The following TRMT9B variants were observed in gnomAD, a reference collection of about 807,000 sequenced individuals.
The protein encoded by TRMT9B is tRNA methyltransferase 9B (putative).
In TRMT9B, 16 loss-of-function variants were observed where a neutral mutation model predicts 11.5. That is an observed-to-expected ratio of 1.39 (90% CI 0.94 to 2.11). TRMT9B has a LOEUF of 2.11. Among genes scored for constraint, TRMT9B ranks in the 30% most tolerant of loss-of-function variants. The probability of loss-of-function intolerance (pLI) is 0.00; values close to 1 mark genes in which losing one functional copy is unlikely to be tolerated. For synonymous variants in TRMT9B, 274 were observed against 192.4 expected (o/e 1.42, Z -3.51); for missense variants, 941 against 553.8 (o/e 1.70, Z -7.02).
chr8:12,979,983 T>G (rs1805094163), intron 1 of TRMT9B, among the ~76,000 whole-genome samples: 1 of 152,182 alleles, frequency 6.6e-6, no homozygotes, highest in Non-Finnish European at 1.5e-5. Flanking sequence ...ACCCCGCCTG[T>G]GCCTTTGAAT....
chr8:12,974,700 G>A (rs1804161263), intron 1 of TRMT9B, among the ~76,000 whole-genome samples: 1 of 152,174 alleles, frequency 6.6e-6, no homozygotes, highest in East Asian at 1.9e-4. Flanking sequence ...GTAAACGACT[G>A]CATTATTTGT....
intron 1 of TRMT9B, chr8:12,969,977 TA>T (rs1803365942): frequency 6.6e-6 from 1 of 152,126 alleles, no homozygotes; most frequent in Admixed American, 6.5e-5. Flanking sequence ...ATTCTGATTT[TA>T]AATATTTTTG....
In TRMT9B at chr8:13,027,306, A is replaced by G. The variant is rs1814804069; in HGVS notation, c.*5262A>G. 6.0e-6 allele frequency: 1 copy of G among 167,032 alleles called. No individual in the cohort carries two copies. The highest frequency in any genetic ancestry group is 6.5e-5 in the Admixed American group (1 of 15,286). The allele number at this position is 167,032 out of a possible 1,614,324, so 10.3% of individuals were successfully genotyped here. ...TTCCCTGTGTGCCTATTACCAAGTT[A>G]TATTGTTTAGTTTGAGGAAAACAAC... On this transcript the variant is annotated 3_prime_UTR_variant, in exon 5 of 5. Coordinates refer to ENST00000524591, the MANE Select transcript of TRMT9B (RefSeq NM_020844.3).
At chr8:13,007,212 CA>C (rs1486530256) in intron 3 of TRMT9B, 1 of 152,222 alleles carries the variant, frequency 6.6e-6, no homozygotes, top group Non-Finnish European at 1.5e-5. Flanking sequence ...TTATGAATCT[CA>C]TGGGTCCTTT....
chr8:12,969,938 C>T (rs886080071), intron 1 of TRMT9B: 3 of 151,240 alleles, frequency 2.0e-5, no homozygotes, highest in African/African-American at 7.3e-5. Context: ...CCCACCTCAG[C>T]TTCCCAAAAT....
At chr8:12,970,610 G>A (rs1249052210) in intron 1 of TRMT9B, among the ~76,000 whole-genome samples, 2 of 152,250 alleles carry the variant, frequency 1.3e-5, no homozygotes, top group South Asian at 2.1e-4. Context: ...GTATTCAAAT[G>A]TGTGAGATGG....
Position 13,022,719 on chromosome 8 carries a change from TG to T in TRMT9B, c.*677del. The T allele has an allele frequency of 6.0e-6, 1 of 167,104 alleles. No homozygotes were observed. Among genetic ancestry groups the T allele is most frequent in the Admixed American group, 6.5e-5 (1 of 15,288 alleles). 10.4% of individuals were successfully genotyped at this position (167,104 alleles called of 1,614,324 possible). On this transcript the variant is annotated 3_prime_UTR_variant, in exon 5 of 5. Transcript: ENST00000524591. ...TTTAAAGGCACTGTTAGGCTGAGCA[TG>T]GTGGCTCATGCCTGTAATCCCAGCA...
rs753302483 is a variant in TRMT9B, at chr8:13,021,882, T to A, written c.1203T>A (p.Asp401Glu). 1 of 1,613,822 alleles carries A rather than the reference T, an allele frequency of 6.2e-7. No individual in the cohort carries two copies. Among genetic ancestry groups the A allele is most frequent in the East Asian group, 2.2e-5 (1 of 44,856 alleles). Residue 401 changes from aspartate to glutamate, a missense_variant, in exon 5 of 5, where the codon GAT becomes GAA. Asp to Glu is a conservative substitution (Grantham distance 45). Transcript: ENST00000524591. Reference sequence around the variant, plus strand: ...TGTCTGTCGAAGATCCACAGACTGATGTTTTGGACTCCACAGCCTTTATGC... The same window carrying A: ...TGTCTGTCGAAGATCCACAGACTGAAGTTTTGGACTCCACAGCCTTTATGC... ...DTMSVEDPQTDVLDSTAFMRY... is the reference protein window; with the variant it reads ...DTMSVEDPQTEVLDSTAFMRY...
At chr8:13,019,283 A>AGT (rs1436004660) in intron 4 of TRMT9B, among the ~76,000 whole-genome samples, 2 of 151,934 alleles carry the variant, frequency 1.3e-5, no homozygotes, top group Non-Finnish European at 2.9e-5. Context: ...CATTTATATG[A>AGT]GTGTGTATAT....
chr8:12,961,941 C>G (rs973008474), intron 1 of TRMT9B: 1 of 152,262 alleles, frequency 6.6e-6, no homozygotes, highest in African/African-American at 2.4e-5. Flanking sequence ...AGACCACTTC[C>G]TTGCCATCCA....
intron 1 of TRMT9B, among the ~76,000 whole-genome samples, chr8:12,977,705 C>T (rs1315153837): frequency 6.6e-6 from 1 of 151,778 alleles, no homozygotes; most frequent in Non-Finnish European, 1.5e-5. Context: ...GTCTCAAAAA[C>T]AAACAAACAA....
intron 1 of TRMT9B, among the ~76,000 whole-genome samples, chr8:12,981,183 C>T (rs10098767): frequency 0.024 from 3,701 of 152,204 alleles, 162 homozygotes; most frequent in African/African-American, 0.085. Flanking sequence ...AGTCACTCTG[C>T]GGATTCCTTT....
intron 1 of TRMT9B, among the ~76,000 whole-genome samples, chr8:12,972,007 T>C (rs568959960): frequency 1.3e-5 from 2 of 152,354 alleles, no homozygotes; most frequent in South Asian, 4.1e-4. Context: ...AAACTCTTTA[T>C]TGTTTTCATG....
chr8:13,018,863 C>G (rs1813296287), intron 4 of TRMT9B, among the ~76,000 whole-genome samples: 1 of 152,216 alleles, frequency 6.6e-6, no homozygotes, highest in Admixed American at 6.5e-5. Flanking sequence ...TACCTCAACA[C>G]TATGTTTGGA....
chr8:12,997,936 C>G (rs1303008239), intron 2 of TRMT9B, among the ~76,000 whole-genome samples: 1 of 152,064 alleles, frequency 6.6e-6, no homozygotes, highest in Non-Finnish European at 1.5e-5. Flanking sequence ...TCCATTTTAC[C>G]CATTCTTTTG....
At chr8:12,960,402 G>A (rs1049582715) in intron 1 of TRMT9B, 4 of 152,126 alleles carry the variant, frequency 2.6e-5, no homozygotes, top group African/African-American at 9.7e-5. Flanking sequence ...AGTATCTTAC[G>A]GCAGCCCAGA....
chr8:12,972,820 T>C (rs993674075), intron 1 of TRMT9B, among the ~76,000 whole-genome samples: 2 of 152,244 alleles, frequency 1.3e-5, no homozygotes, highest in East Asian at 1.9e-4. Context: ...TTTTTTATTG[T>C]GGTAAAATAT....
chr8:12,997,168 A>AC (rs1419089082), intron 2 of TRMT9B, among the ~76,000 whole-genome samples: 8 of 151,794 alleles, frequency 5.3e-5, no homozygotes, highest in Admixed American at 1.3e-4. Context: ...TTAAAATGTG[A>AC]CCCCCAATGT....
chr8:13,012,536 C>T, intron 3 of TRMT9B, 148 bp from the exon 4 acceptor site: 2 of 1,044,196 alleles, frequency 1.9e-6, no homozygotes, highest in South Asian at 1.9e-5. Context: ...GATTGCGCCA[C>T]TGCACTCCAG....
Sources: allele counts gnomAD v4.1 joint callset (sites outside exome capture counted in the v4.1 genomes callset), GRCh38; gene constraint gnomAD v4.1.1; transcripts MANE v1.5; gene names NCBI Gene and HGNC (gene_info 2026-07-23, HGNC 2026-07-21).